Variants in ZSCAN29 observed in about 807,000 individuals in gnomAD.
The protein encoded by ZSCAN29 is zinc finger and SCAN domain containing 29.
ZSCAN29 carries 55 observed loss-of-function variants against 71.9 expected under a neutral mutation model. The observed-to-expected ratio is 0.76, with a 90% CI of 0.62 to 0.96. ZSCAN29 has a LOEUF of 0.96. Ranked by LOEUF, ZSCAN29 falls within the 40% of genes least tolerant of loss-of-function variation. The pLI is 0.00. For missense variants in ZSCAN29, 1,042 were observed against 1,042.2 expected (o/e 1.00, Z 0.00); for synonymous variants, 351 against 371.6 (o/e 0.94, Z 0.64).
intron 5 of ZSCAN29, among the ~76,000 whole-genome samples, chr15:43,362,818 C>T: frequency 6.6e-6 from 1 of 152,126 alleles, no homozygotes; most frequent in Non-Finnish European, 1.5e-5. Flanking sequence ...TATATTAATA[C>T]CCCATGGAAT....
chr15:43,366,951 A>T (rs2044046066), intron 3 of ZSCAN29, 143 bp from the exon 4 acceptor site: 1 of 753,226 alleles, frequency 1.3e-6, no homozygotes, highest in Non-Finnish European at 2.1e-6. Context: ...CAGTGGGCTG[A>T]AAAAGGTGGG....
rs2043979117 is a variant in ZSCAN29, at chr15:43,361,446, G to A, written c.2186C>T (p.Thr729Ile). The A allele has an allele frequency of 1.2e-6, 2 of 1,613,588 alleles. No homozygotes were observed. Among genetic ancestry groups the A allele is most frequent in the Non-Finnish European group, 1.7e-6 (2 of 1,179,498 alleles). Residue 729 changes from threonine (T) to isoleucine (I), a missense_variant, in exon 6 of 6, where the codon ACA (threonine) becomes ATA (isoleucine). By Grantham distance (89) the Thr-to-Ile change is moderately conservative. Transcript: ENST00000684362. ...SNFITHRRIH[T>I]GEKPYQCGEC... ...ACCACATTGATAAGGTTTCTCTCCT[G>A]TGTGGATTCTCCTATGGGTGATGAA...
rs2044080860 is a variant in ZSCAN29 at position 43,369,717 on chromosome 15, A to C, written c.197T>G (p.Phe66Cys). Residue 66 changes from phenylalanine to cysteine, a missense_variant, in exon 2 of 6, where the codon TTC (phenylalanine) becomes TGC (cysteine). Coordinates refer to ENST00000684362, the MANE Select transcript of ZSCAN29 (RefSeq NM_001372080.1). ...QIVELLVLEQ[F>C]LTVLPGEIQN... is the part of the protein sequence containing the mutation. ...GATCTCCCCAGGTAAGACGGTCAGG[A>C]ACTGCTCTAGCACCAACAGTTCTAC... 1 of 1,614,202 alleles carries C rather than the reference A, an allele frequency of 6.2e-7. No individual in the cohort carries two copies. The highest frequency in any genetic ancestry group is 8.5e-7 in the Non-Finnish European group (1 of 1,180,042).
rs755247215 is a variant in ZSCAN29 at position 43,366,378 on chromosome 15, A to C, written c.954T>G (p.Pro318=). ...TCTCTTCAAAGAAGGGGCAGGTCTC[A>C]GGTGGGTGGCCGCTCTTGACTTTCC... is the stretch of plus-strand genomic sequence containing the variant. ...SYRKVKSGHP[P]ETCPFFEEME... The change falls in exon 4 of 6, where the codon CCT becomes CCG. Residue 318 remains proline, a synonymous_variant. Coordinates refer to ENST00000684362, the MANE Select transcript of ZSCAN29 (RefSeq NM_001372080.1). The C allele has an allele frequency of 6.2e-7, 1 of 1,613,898 alleles. No individual in the cohort carries two copies. Among genetic ancestry groups the C allele is most frequent in the African/African-American group, 1.3e-5 (1 of 74,902 alleles).
At chr15:43,363,324 C>G (rs999439176) in intron 5 of ZSCAN29, among the ~76,000 whole-genome samples, 2 of 152,162 alleles carry the variant, frequency 1.3e-5, no homozygotes, top group African/African-American at 4.8e-5. Flanking sequence ...CAACAGAGCC[C>G]AGATTCACAT....
rs2044042501 is a variant in ZSCAN29, at chr15:43,366,640, A to C, written c.692T>G (p.Val231Gly). Residue 231 changes from valine to glycine, a missense_variant, in exon 4 of 6, where the codon GTG becomes GGG. Transcript: ENST00000684362. ...LPSKKDRRSWVEQDHWSFEDE... is the reference protein window; with the variant it reads ...LPSKKDRRSWGEQDHWSFEDE... ...TTCAAAGCTCCAGTGATCCTGTTCC[A>C]CCCAGCTTCTTCTATCTTTCTTGGA... 3.7e-6 allele frequency: 6 copies of C among 1,614,070 alleles called. No individual in the cohort carries two copies. The highest frequency in any genetic ancestry group is 5.1e-6 in the Non-Finnish European group (6 of 1,180,016).
chr15:43,361,497 C>CCA lies in ZSCAN29; in HGVS notation c.2133_2134dup (p.Gly712ValfsTer136). ...ATTTGAACTGTCACGGAAACTTTTT[C>CCA]CACAGTCAAGACATTTATAAGGTTT... On this transcript the variant is annotated frameshift_variant, in exon 6 of 6. Transcript: ENST00000684362. LOFTEE classifies it high-confidence loss of function. 6.2e-7 allele frequency: 1 copy of CCA among 1,614,160 alleles called. No homozygotes were observed. Among genetic ancestry groups the CCA allele is most frequent in the Non-Finnish European group, 8.5e-7 (1 of 1,180,012 alleles).
At position 43,369,737 on chromosome 15, in the gene ZSCAN29, T is replaced by C; in HGVS notation, c.177A>G (p.Glu59=). ...PEVRTKEQIV[E]LLVLEQFLTV... is the part of the protein sequence containing the mutation. ...TCAGGAACTGCTCTAGCACCAACAG[T>C]TCTACAATCTGCTCCTTGGTGCGCA... Residue 59 remains glutamate, a synonymous_variant, in exon 2 of 6, where the codon GAA becomes GAG. Coordinates refer to ENST00000684362, the MANE Select transcript of ZSCAN29 (RefSeq NM_001372080.1). 1 of 1,614,216 alleles carries C rather than the reference T, an allele frequency of 6.2e-7. No individual in the cohort carries two copies. The highest frequency in any genetic ancestry group is 8.5e-7 in the Non-Finnish European group (1 of 1,180,044).
intron 5 of ZSCAN29, 156 bp downstream of exon 5, chr15:43,363,759 C>T: frequency 1.5e-6 from 1 of 646,108 alleles, no homozygotes. Flanking sequence ...TTTATATCCC[C>T]TCAGTGAGCT....
chr15:43,368,823 T>C, intron 3 of ZSCAN29, 100 bp downstream of exon 3: 2 of 1,143,888 alleles, frequency 1.7e-6, no homozygotes, highest in East Asian at 5.0e-5. Context: ...TATTCTGCAA[T>C]TTCCACTTAC....
chr15:43,364,372 C>G lies in ZSCAN29; in HGVS notation c.1233G>C (p.Trp411Cys). 6.2e-7 allele frequency: 1 copy of G among 1,613,462 alleles called. No individual in the cohort carries two copies. Among genetic ancestry groups the G allele is most frequent in the Non-Finnish European group, 8.5e-7 (1 of 1,179,918 alleles). ...VVFRSPGGVH[W>C]GYEETKTYLA... ...GGTAAGTCTTGGTCTCTTCATAGCC[C>G]CAGTGTACACCTGCCACCAGAAGAG... The change falls in exon 5 of 6, where the codon TGG (tryptophan) becomes TGC (cysteine). Residue 411 changes from tryptophan (W) to cysteine (C), a missense_variant. By Grantham distance (215) the Trp-to-Cys change is radical. Coordinates refer to ENST00000684362, the MANE Select transcript of ZSCAN29 (RefSeq NM_001372080.1).
intron 3 of ZSCAN29, among the ~76,000 whole-genome samples, chr15:43,367,565 T>A (rs2044051996): frequency 6.6e-6 from 1 of 152,194 alleles, no homozygotes; most frequent in South Asian, 2.1e-4. Flanking sequence ...TCTCCCACTC[T>A]GACAAACCCA....
chr15:43,369,340 C>G (rs1190010401), intron 2 of ZSCAN29: 1 of 597,176 alleles, frequency 1.7e-6, no homozygotes, highest in African/African-American at 1.9e-5. Flanking sequence ...AGTAAACCCA[C>G]CTTCAGGCTG....
chr15:43,368,350 C>T (rs1402872472), intron 3 of ZSCAN29, among the ~76,000 whole-genome samples: 2 of 66,692 alleles, frequency 3.0e-5, no homozygotes, highest in Non-Finnish European at 4.9e-5. Flanking sequence ...ACGGTGAAAC[C>T]CCGTCTCTAC....
Position 43,361,685 on chromosome 15 carries a change from T to A in ZSCAN29, c.1947A>T (p.Arg649Ser). 6.2e-7 allele frequency: 1 copy of A among 1,614,114 alleles called. No individual in the cohort carries two copies. Among genetic ancestry groups the A allele is most frequent in the Non-Finnish European group, 8.5e-7 (1 of 1,180,016 alleles). ...LSQQRPCLGE[R>S]PYKYLKYSKS... The stretch of plus-strand genomic sequence containing the variant: ...TGCTGTATTTGAGATATTTATAGGG[T>A]CTCTCTCCCAAGCAAGGTCTCTGTT... The change falls in exon 6 of 6, where the codon AGA becomes AGT. Residue 649 changes from arginine to serine, a missense_variant. Physicochemically the swap from Arg to Ser is moderately radical, Grantham distance 110 (BLOSUM62 -1). Transcript: ENST00000684362.
chr15:43,363,041 G>A (rs577925445), intron 5 of ZSCAN29, among the ~76,000 whole-genome samples: 4 of 151,276 alleles, frequency 2.6e-5, no homozygotes, highest in Middle Eastern at 3.4e-3. Flanking sequence ...GCAATGGCAC[G>A]ATCTCAGCTC....
Position 43,366,107 on chromosome 15 carries a change from T to TA in ZSCAN29, c.1222+2dup. ...CAAAACTCCAAGAAGAAAAGCTTCT[T>TA]ACCACCTGGGCTTCTGAACACAACA... is the stretch of plus-strand genomic sequence containing the variant. On this transcript the variant is annotated splice_region_variant and intron_variant, in intron 4 of 5. Transcript: ENST00000684362. 1.3e-6 allele frequency: 2 copies of TA among 1,585,900 alleles called. No individual in the cohort carries two copies. The highest frequency in any genetic ancestry group is 1.7e-6 in the Non-Finnish European group (2 of 1,166,470).
Position 43,366,279 on chromosome 15 carries a change from G to A in ZSCAN29, c.1053C>T (p.Gly351=), listed in dbSNP as rs745602369. 3.1e-6 allele frequency: 5 copies of A among 1,613,118 alleles called. No homozygotes were observed. The African/African-American group carries it at 6.7e-5, about 22-fold the overall frequency. ...CAGTCTCAGCATCGCTGCCTACCAG[G>A]CCAGAGTGAGAGGCTGCTGCTTCCA... ...NGLEAAASHS[G]LVGSDAETEE... is the part of the protein sequence containing the mutation. The change falls in exon 4 of 6, where the codon GGC becomes GGT. Residue 351 remains glycine, a synonymous_variant. Transcript: ENST00000684362.
Position 43,360,616 on chromosome 15 carries a change from CAA to C in ZSCAN29, c.*455_*456del, listed in dbSNP as rs1405645178. ...TGCCATTGCACTCCAGCCTGGGCAACAAGAGCAAAACTCCGTCTCCAAAAAAA... is the reference window on the plus strand; with the variant it reads ...TGCCATTGCACTCCAGCCTGGGCAACGAGCAAAACTCCGTCTCCAAAAAAA... On this transcript the variant is annotated 3_prime_UTR_variant, in exon 6 of 6. Coordinates refer to ENST00000684362, the MANE Select transcript of ZSCAN29 (RefSeq NM_001372080.1). The C allele has an allele frequency of 6.8e-6, 1 of 147,156 alleles. No individual in the cohort carries two copies. The highest frequency in any genetic ancestry group is 2.6e-5 in the African/African-American group (1 of 38,324). 9.1% of individuals were successfully genotyped at this position (147,156 alleles called of 1,614,324 possible).
Sources: allele counts gnomAD v4.1 joint callset (sites outside exome capture counted in the v4.1 genomes callset), GRCh38; gene constraint gnomAD v4.1.1; transcripts MANE v1.5; gene names NCBI Gene and HGNC (gene_info 2026-07-23, HGNC 2026-07-21).